PARG: variants seen among roughly 807,000 people sequenced by gnomAD.
PARG encodes the protein poly(ADP-ribose) glycohydrolase.
In PARG, 35 loss-of-function variants were observed where a neutral mutation model predicts 113.0. The observed-to-expected ratio is 0.31, with a 90% CI of 0.24 to 0.41. The LOEUF (loss-of-function observed/expected upper bound fraction) is 0.41, where lower values mean the gene tolerates loss of function less well. Ranked by LOEUF, PARG falls within the 10% of genes least tolerant of loss-of-function variation. The pLI is 1.00. For missense variants in PARG, 797 were observed against 1,169.4 expected (o/e 0.68, Z 4.64); for synonymous variants, 330 against 409.9 (o/e 0.81, Z 2.36).
chr10:49,923,638 T>C (rs1356380993), intron 4 of PARG, among the ~76,000 whole-genome samples: 9 of 151,930 alleles, frequency 5.9e-5, no homozygotes, highest in Non-Finnish European at 1.0e-4. Flanking sequence ...TGTAAAATAA[T>C]TGGAAGCAGC....
At chr10:49,838,556 G>A (rs569442012) in intron 15 of PARG, among the ~76,000 whole-genome samples, 2 of 151,132 alleles carry the variant, frequency 1.3e-5, no homozygotes, top group Admixed American at 1.3e-4. Context: ...CCTAAGAAGT[G>A]AACTCACTGT....
chr10:49,880,623 CTGAA>C (rs1228450433), intron 8 of PARG, among the ~76,000 whole-genome samples: 10 of 152,116 alleles, frequency 6.6e-5, no homozygotes, highest in African/African-American at 2.4e-4. Context: ...CCCCAACCAA[CTGAA>C]TGAACCCCTC....
chr10:49,838,969 T>C (rs939771171), intron 15 of PARG, among the ~76,000 whole-genome samples: 6 of 152,328 alleles, frequency 3.9e-5, no homozygotes, highest in East Asian at 1.9e-4. Flanking sequence ...TTGTGACATA[T>C]TGAGTGACTT....
rs546758260 is a variant in PARG, at chr10:49,842,016, A to C, written c.2475T>G (p.Asp825Glu). 1 of 1,550,528 alleles carries C rather than the reference A, an allele frequency of 6.4e-7. No individual in the cohort carries two copies. The change falls in exon 15 of 18, where the codon GAT becomes GAG. Residue 825 changes from aspartate (D) to glutamate (E), a missense_variant. By Grantham distance (45) the Asp-to-Glu change is conservative. Coordinates refer to ENST00000616448, the MANE Select transcript of PARG (RefSeq NM_003631.5). Reference protein sequence around the residue: ...QRRCTEIVAIDALHFRRYLDQ... With the variant: ...QRRCTEIVAIEALHFRRYLDQ... ...CGAGGTAGCGTCTGAAGTGAAGAGC[A>C]TCGATGGCAACGATCTCAGTGCAGC... is the stretch of plus-strand genomic sequence containing the variant.
Position 49,911,008 on chromosome 10 carries a change from C to T in PARG, c.1737+4909G>A, listed in dbSNP as rs183003916. On this transcript the variant is annotated intron_variant, in intron 7 of 17. Coordinates refer to ENST00000616448, the MANE Select transcript of PARG (RefSeq NM_003631.5). ...TGTAAAAGAGGAGTATTTGGCTGGG[C>T]ACAGTGGCTCATACCTGTAATCCCA... Among the ~76,000 whole-genome samples, 417 of 152,236 alleles carry T rather than the reference C, an allele frequency of 2.7e-3. 1 individual carries two copies. The highest frequency in any genetic ancestry group is 4.5e-3 in the Non-Finnish European group (303 of 68,006).
intron 7 of PARG, among the ~76,000 whole-genome samples, chr10:49,886,833 T>C (rs1306738662): frequency 6.6e-6 from 1 of 152,174 alleles, no homozygotes; most frequent in Admixed American, 6.5e-5. Context: ...TTTAGAGTAG[T>C]CAAATGACTG....
chr10:49,917,838 G>GAA (rs11406956), intron 6 of PARG, among the ~76,000 whole-genome samples: 26 of 143,724 alleles, frequency 1.8e-4, no homozygotes, highest in Admixed American at 7.0e-4. Flanking sequence ...AAAAAAGAAA[G>GAA]AAAAAAAAAA....
At chr10:49,919,239 C>G (rs1837667622) in intron 6 of PARG, among the ~76,000 whole-genome samples, 1 of 152,086 alleles carries the variant, frequency 6.6e-6, no homozygotes, top group Non-Finnish European at 1.5e-5. Context: ...CCACACCTGG[C>G]CTCACTATAA....
chr10:49,891,614 TA>T (rs1588950485), intron 7 of PARG, among the ~76,000 whole-genome samples: 1,851 of 57,064 alleles, frequency 0.032, 30 homozygotes, highest in Non-Finnish European at 0.043. Context: ...TATATATATA[TA>T]TATATATATT....
chr10:49,919,419 A>G (rs1837675958), intron 6 of PARG, among the ~76,000 whole-genome samples: 1 of 152,250 alleles, frequency 6.6e-6, no homozygotes, highest in South Asian at 2.1e-4. Flanking sequence ...AACAATGGCC[A>G]AATAACAACA....
In PARG at chr10:49,879,550, T is replaced by C. The variant is rs537586063; in HGVS notation, c.1988+123A>G. 1,324 of 615,790 alleles carry C rather than the reference T, an allele frequency of 2.2e-3. 28 individuals carry two copies. In the South Asian group the frequency reaches 0.025, roughly 12 times the overall value. 38.1% of individuals were successfully genotyped at this position (615,790 alleles called of 1,614,324 possible). Reference sequence around the variant, plus strand: ...TGGTGAAAATGTCACTTAAGTACTGTAAAAATTAAATAAGACAACTGCATA... The same window carrying C: ...TGGTGAAAATGTCACTTAAGTACTGCAAAAATTAAATAAGACAACTGCATA... On this transcript the variant is annotated intron_variant, in intron 9 of 17. Transcript: ENST00000616448.
intron 7 of PARG, among the ~76,000 whole-genome samples, chr10:49,895,155 A>G (rs1209284897): frequency 2.6e-5 from 4 of 152,292 alleles, no homozygotes; most frequent in Admixed American, 1.3e-4. Flanking sequence ...CCACATCCTG[A>G]GAGTCCAGGT....
intron 7 of PARG, among the ~76,000 whole-genome samples, chr10:49,914,833 G>T (rs1554847177): frequency 6.6e-6 from 1 of 152,098 alleles, no homozygotes; most frequent in East Asian, 1.9e-4. Flanking sequence ...ATTCAACACG[G>T]GATAGAAGAG....
At chr10:49,904,842 G>A (rs1476608746) in intron 7 of PARG, among the ~76,000 whole-genome samples, 2 of 152,096 alleles carry the variant, frequency 1.3e-5, no homozygotes, top group Non-Finnish European at 2.9e-5. Flanking sequence ...CTTGAACCCA[G>A]GAGGCGGAGG....
chr10:49,912,800 T>C (rs1302588373), intron 7 of PARG, among the ~76,000 whole-genome samples: 3 of 151,924 alleles, frequency 2.0e-5, no homozygotes, highest in African/African-American at 7.3e-5. Flanking sequence ...ACCCTATCTC[T>C]ACAAAAAAAT....
At chr10:49,927,361 GGAAAGAAGGAAA>G (rs1164707713) in intron 4 of PARG, among the ~76,000 whole-genome samples, 5 of 92,280 alleles carry the variant, frequency 5.4e-5, no homozygotes, top group Non-Finnish European at 8.0e-5. Flanking sequence ...AAAGAAAGAA[GGAAAGAAGGAAA>G]GAAAGAAAGA....
chr10:49,821,697 A>G (rs554845357), intron 16 of PARG, among the ~76,000 whole-genome samples: 3 of 152,274 alleles, frequency 2.0e-5, no homozygotes, highest in East Asian at 1.9e-4. Context: ...GTATCTTTTT[A>G]CAGTTTTGAT....
chr10:49,925,275 C>CTGAA (rs1554850289), intron 4 of PARG, among the ~76,000 whole-genome samples: 1 of 152,052 alleles, frequency 6.6e-6, no homozygotes, highest in Admixed American at 6.6e-5. Flanking sequence ...GGTAAGAGCT[C>CTGAA]TGAAGCCTGT....
In PARG at chr10:49,868,136, C is replaced by T. The variant is rs1156858325; in HGVS notation, c.2068+1340G>A. On this transcript the variant is annotated intron_variant, in intron 10 of 17. Transcript: ENST00000616448. The stretch of plus-strand genomic sequence containing the variant: ...CCGAGTAGCTGGCATTACACTCTCC[C>T]GCCACCGCGCCTGGCTAATTTTTGT... Among the ~76,000 whole-genome samples, 5 of 152,086 alleles carry T rather than the reference C, an allele frequency of 3.3e-5. No individual in the cohort carries two copies. The South Asian group carries it at 6.2e-4, about 19-fold the overall frequency.
Sources: gnomAD v4.1 joint callset for allele counts (sites outside exome capture counted in the v4.1 genomes callset) on GRCh38, gnomAD v4.1.1 for gene constraint, MANE v1.5 for transcripts, NCBI Gene and HGNC (gene_info 2026-07-23, HGNC 2026-07-21) for gene names.